TEX11: variants seen among roughly 807,000 people sequenced by gnomAD.
TEX11 encodes testis-expressed protein 11.
Under a neutral mutation model 84.4 loss-of-function variants are expected in TEX11, and 7 were observed. The observed-to-expected ratio is 0.08, with a 90% confidence interval of 0.05 to 0.16. The LOEUF (loss-of-function observed/expected upper bound fraction) is 0.16. Ranked by LOEUF, TEX11 falls within the 10% of genes least tolerant of loss-of-function variation. The probability of loss-of-function intolerance (pLI) is 1.00; values close to 1 mark genes in which losing one functional copy is unlikely to be tolerated. For missense variants in TEX11, 551 were observed against 660.5 expected, an observed-to-expected ratio of 0.83 and a Z score of 1.82; for synonymous variants, 264 against 222.8, an observed-to-expected ratio of 1.18 and a Z score of -1.64.
the TEX11 span, among the ~76,000 whole-genome samples, chrX:70,517,294 C>T: frequency 8.9e-6 from 1 of 111,835 alleles, no homozygotes; most frequent in Non-Finnish European, 1.9e-5. Flanking sequence ...GAGATACGTT[C>T]CATCAATACC....
intron 9 of TEX11, among the ~76,000 whole-genome samples, chrX:70,772,607 G>A (rs915405195): frequency 3.6e-5 from 4 of 110,655 alleles, no homozygotes; most frequent in African/African-American, 1.3e-4. Flanking sequence ...TCAAGGAAAC[G>A]ACACCACCAA....
chrX:70,537,313 C>T (rs1340707246), intron 28 of TEX11, among the ~76,000 whole-genome samples: 1 of 111,287 alleles, frequency 9.0e-6, no homozygotes, highest in Non-Finnish European at 1.9e-5. Context: ...AAAAGAATTT[C>T]TGAGCAGCAA....
chrX:70,897,501 A>G (rs1350790590), intron 2 of TEX11: 1 of 105,262 alleles, frequency 9.5e-6, no homozygotes, highest in Non-Finnish European at 1.9e-5. Context: ...GAGGCAGAAG[A>G]ATCGCTTGAA....
In TEX11 at chrX:70,559,077, C is replaced by A. The variant is rs771941022; in HGVS notation, c.2141-4277G>T. 4.5e-5 allele frequency among the ~76,000 whole-genome samples: 5 copies of A among 111,754 alleles called. No individual in the cohort carries two copies. In the East Asian group the frequency reaches 8.4e-4, roughly 19 times the overall value. ...AATTCCACTCCTAGGTATACACACA[C>A]AAAAAAGTGAAAATAGGTCCACACA... On this transcript the variant is annotated intron_variant, in intron 25 of 29. Transcript: ENST00000374333.
At chrX:70,558,280 C>A (rs1233473510) in intron 25 of TEX11, among the ~76,000 whole-genome samples, 3 of 111,283 alleles carry the variant, frequency 2.7e-5, no homozygotes, top group Non-Finnish European at 5.7e-5. Context: ...TGTCTGTGGT[C>A]AACTGATTTT....
intron 2 of TEX11, among the ~76,000 whole-genome samples, chrX:70,907,446 G>A (rs1433828938): frequency 9.2e-6 from 1 of 108,216 alleles, no homozygotes; most frequent in Non-Finnish European, 1.9e-5. Context: ...TCACTCTGTC[G>A]CCCAGGCTGG....
chrX:70,808,696 A>G (rs1292446359), intron 8 of TEX11, among the ~76,000 whole-genome samples: 1 of 109,485 alleles, frequency 9.1e-6, no homozygotes, highest in Non-Finnish European at 1.9e-5. Flanking sequence ...TACATCTATC[A>G]TATACCCACA....
intron 17 of TEX11, among the ~76,000 whole-genome samples, chrX:70,634,609 C>T (rs1483317415): frequency 9.1e-6 from 1 of 109,858 alleles, no homozygotes; most frequent in African/African-American, 3.3e-5. Flanking sequence ...AAGAGATCCA[C>T]ACATATATGA....
intron 7 of TEX11, among the ~76,000 whole-genome samples, chrX:70,842,249 C>T (rs1314993348): frequency 1.8e-5 from 2 of 111,411 alleles, no homozygotes; most frequent in African/African-American, 6.5e-5. Context: ...ACTCACAAAC[C>T]GAATTCAGCA....
intron 15 of TEX11, chrX:70,673,543 A>G (rs1467632850): frequency 9.0e-6 from 1 of 111,483 alleles, no homozygotes; most frequent in East Asian, 2.8e-4. Context: ...ATTTTCTCCT[A>G]TGTATTTTTA....
At chrX:70,561,272 T>C (rs1369693040) in intron 25 of TEX11, among the ~76,000 whole-genome samples, 4 of 109,969 alleles carry the variant, frequency 3.6e-5, no homozygotes, top group African/African-American at 1.3e-4. Flanking sequence ...TTGATGGATT[T>C]TGATGCTATC....
chrX:70,554,051 T>A, intron 26 of TEX11, among the ~76,000 whole-genome samples: 1 of 111,596 alleles, frequency 9.0e-6, no homozygotes, highest in South Asian at 3.8e-4. Context: ...CTAATATTTT[T>A]ATTAACCACA....
chrX:70,832,077 T>C (rs781542668), intron 8 of TEX11, among the ~76,000 whole-genome samples: 1 of 111,544 alleles, frequency 9.0e-6, no homozygotes, highest in African/African-American at 3.2e-5. Flanking sequence ...CCACCAATAA[T>C]AGTATAAATC....
At chrX:70,743,703 C>T (rs1481521181) in intron 10 of TEX11, among the ~76,000 whole-genome samples, 1 of 110,477 alleles carries the variant, frequency 9.1e-6, no homozygotes, top group African/African-American at 3.3e-5. Context: ...TGGCAGAACC[C>T]CGTCTCTGCT....
intron 17 of TEX11, among the ~76,000 whole-genome samples, chrX:70,637,589 G>C (rs749967750): frequency 1.9e-5 from 2 of 107,403 alleles, no homozygotes; most frequent in African/African-American, 7.5e-5. Context: ...CCATACAAAG[G>C]AACAAGACCA....
intron 24 of TEX11, among the ~76,000 whole-genome samples, chrX:70,596,973 G>A (rs1264088670): frequency 9.0e-6 from 1 of 111,217 alleles, no homozygotes; most frequent in Non-Finnish European, 1.9e-5. Flanking sequence ...GGACTATAAG[G>A]GAATACTATG....
At position 70,731,216 on chromosome X, in the gene TEX11, T is replaced by A. The variant is rs187129955; in HGVS notation, c.844-5873A>T. On this transcript the variant is annotated intron_variant, in intron 11 of 29. Coordinates refer to ENST00000374333, the MANE Select transcript of TEX11 (RefSeq NM_031276.3). ...AGAGAAAGCAGGAAAGATCCAAAAT[T>A]GACACCCTAGCATCACAATTAAAAG... Among the ~76,000 whole-genome samples, 27 of 111,332 alleles carry A rather than the reference T, an allele frequency of 2.4e-4. No homozygotes were observed. The East Asian group carries it at 6.7e-3, about 28-fold the overall frequency.
At position 70,679,396 on chromosome X, in the gene TEX11, G is replaced by A. The variant is rs796672300; in HGVS notation, c.1157-507C>T. Among the ~76,000 whole-genome samples the A allele has an allele frequency of 5.5e-5, 6 of 108,287 alleles. No individual in the cohort carries two copies. In the South Asian group the frequency reaches 1.7e-3, roughly 31 times the overall value. 94.0% of individuals were successfully genotyped at this position (108,287 alleles called of 115,157 possible). A position where few individuals can be genotyped will look rare whatever the true frequency, so the allele number is the denominator to read the frequency against. Reference sequence around the variant, plus strand: ...AAGTGAGGAGCGTCTCTGCCCGGCCGCCCATCGTCTGGGATGTGAGGAGCC... The same window carrying A: ...AAGTGAGGAGCGTCTCTGCCCGGCCACCCATCGTCTGGGATGTGAGGAGCC... On this transcript the variant is annotated intron_variant, in intron 14 of 29. Coordinates refer to ENST00000374333, the MANE Select transcript of TEX11 (RefSeq NM_031276.3).
chrX:70,897,226 T>TA (rs10672857), intron 2 of TEX11, among the ~76,000 whole-genome samples: 4 of 82,117 alleles, frequency 4.9e-5, no homozygotes, highest in Non-Finnish European at 4.9e-5. Context: ...CATATATATA[T>TA]GTTTTATATA....
Sources: allele counts gnomAD v4.1 joint callset (sites outside exome capture counted in the v4.1 genomes callset), GRCh38; gene constraint gnomAD v4.1.1; transcripts MANE v1.5; gene names NCBI Gene and HGNC (gene_info 2026-07-23, HGNC 2026-07-21).